CHCHD6: variants seen among roughly 807,000 people sequenced by gnomAD.
CHCHD6 encodes the protein coiled-coil-helix-coiled-coil-helix domain containing 6, also known as MICOS complex subunit MIC25.
CHCHD6 carries 28 observed loss-of-function variants against 32.3 expected under a neutral mutation model. That is an observed-to-expected ratio of 0.87 (90% confidence interval 0.64 to 1.19). The LOEUF is 1.19. Among genes scored for constraint, CHCHD6 ranks in the 50% most tolerant of loss-of-function variants. CHCHD6 has a pLI of 0.00. For missense variants in CHCHD6, 333 were observed against 307.0 expected (o/e 1.08, Z -0.63); for synonymous variants, 122 against 117.5 (o/e 1.04, Z -0.25).
At chr3:126,766,924 C>T (rs1937393607) in intron 4 of CHCHD6, 2 of 1,046,942 alleles carry the variant, frequency 1.9e-6, no homozygotes, top group Non-Finnish European at 3.0e-6. Flanking sequence ...GCCATAGCCA[C>T]TGAAGCCCCA....
intron 1 of CHCHD6, among the ~76,000 whole-genome samples, chr3:126,712,930 C>T (rs554681844): frequency 3.4e-4 from 51 of 152,204 alleles, no homozygotes; most frequent in Non-Finnish European, 5.9e-4. Context: ...TTGTGAGTAG[C>T]TCTACTATCC....
intron 5 of CHCHD6, among the ~76,000 whole-genome samples, chr3:126,872,330 GTT>G (rs1482978014): frequency 6.6e-6 from 1 of 152,152 alleles, no homozygotes; most frequent in Non-Finnish European, 1.5e-5. Flanking sequence ...AAGCACAGGT[GTT>G]TGAGTCTAGC....
At chr3:126,818,972 G>A (rs542742308) in intron 4 of CHCHD6, among the ~76,000 whole-genome samples, 2 of 152,310 alleles carry the variant, frequency 1.3e-5, no homozygotes, top group South Asian at 4.1e-4. Context: ...GAGCAGTGCA[G>A]CAGGTCAGCT....
At position 126,941,865 on chromosome 3, in the gene CHCHD6, G is replaced by A. The variant is rs780254170; in HGVS notation, c.567-15551G>A. ...TCCTTGGTCACCTCACACTGCTGCC[G>A]ATGAGGAAATCAGCACTGACTCAAC... On this transcript the variant is annotated intron_variant, in intron 6 of 7. Transcript: ENST00000290913. Among the ~76,000 whole-genome samples the A allele has an allele frequency of 2.3e-4, 35 of 152,264 alleles. 1 individual carries two copies. The highest frequency in any genetic ancestry group is 7.8e-4 in the Admixed American group (12 of 15,288).
chr3:126,940,502 TGACA>T (rs1247846304), intron 6 of CHCHD6, among the ~76,000 whole-genome samples: 3 of 152,218 alleles, frequency 2.0e-5, no homozygotes, highest in African/African-American at 7.2e-5. Context: ...ATCGGCACTG[TGACA>T]GACAGCCTTA....
At chr3:126,784,098 T>G (rs562692816) in intron 4 of CHCHD6, among the ~76,000 whole-genome samples, 25 of 152,290 alleles carry the variant, frequency 1.6e-4, no homozygotes, top group Non-Finnish European at 2.5e-4. Context: ...GGTAGCTTTC[T>G]GTGAGAGTCA....
chr3:126,805,297 A>C (rs1251089438), intron 4 of CHCHD6, among the ~76,000 whole-genome samples: 3 of 152,204 alleles, frequency 2.0e-5, no homozygotes, highest in Non-Finnish European at 4.4e-5. Context: ...TGTATCTAGA[A>C]AACCCCATCA....
chr3:126,958,156 C>G (rs1226678918), intron 7 of CHCHD6, among the ~76,000 whole-genome samples: 1 of 151,728 alleles, frequency 6.6e-6, no homozygotes, highest in Non-Finnish European at 1.5e-5. Flanking sequence ...TACTGCCTTC[C>G]TCCCCCACCC....
chr3:126,862,371 C>CACCATCACCACCTCCTCCTCCTCT (rs1370837357), intron 5 of CHCHD6, among the ~76,000 whole-genome samples: 1 of 138,640 alleles, frequency 7.2e-6, no homozygotes, highest in Non-Finnish European at 1.6e-5. Context: ...CCTCCTCCAC[C>CACCATCACCACCTCCTCCTCCTCT]ACCATCACCA....
At chr3:126,865,498 T>TCAC (rs1942261016) in intron 5 of CHCHD6, 3 of 917,682 alleles carry the variant, frequency 3.3e-6, no homozygotes, top group Non-Finnish European at 3.9e-6. Context: ...AACTTCGCCT[T>TCAC]CACCACCACC....
intron 6 of CHCHD6, among the ~76,000 whole-genome samples, chr3:126,944,344 T>A (rs2078604247): frequency 6.6e-6 from 1 of 152,228 alleles, no homozygotes; most frequent in Non-Finnish European, 1.5e-5. Context: ...CCCTAGAAGC[T>A]GGAAGAAGGT....
intron 6 of CHCHD6, among the ~76,000 whole-genome samples, chr3:126,931,411 G>C (rs72982808): frequency 1.3e-5 from 2 of 152,268 alleles, no homozygotes; most frequent in South Asian, 2.1e-4. Context: ...CTGCAGAGCC[G>C]ACCCAGCCTC....
chr3:126,854,026 A>G (rs1296605786), intron 5 of CHCHD6, among the ~76,000 whole-genome samples: 1 of 152,144 alleles, frequency 6.6e-6, no homozygotes, highest in African/African-American at 2.4e-5. Context: ...AGGCATGTGT[A>G]CATATCTCTG....
chr3:126,758,366 C>T (rs1477769122), intron 4 of CHCHD6, among the ~76,000 whole-genome samples: 1 of 152,220 alleles, frequency 6.6e-6, no homozygotes, highest in Non-Finnish European at 1.5e-5. Flanking sequence ...AATGGCATTA[C>T]AAATCACAGT....
chr3:126,957,192 A>G, intron 6 of CHCHD6: 1 of 594,112 alleles, frequency 1.7e-6, no homozygotes. Flanking sequence ...AGTGTCTGCT[A>G]TATTGTGAGC....
At chr3:126,809,405 A>G (rs1939561338) in intron 4 of CHCHD6, among the ~76,000 whole-genome samples, 1 of 152,140 alleles carries the variant, frequency 6.6e-6, no homozygotes, top group Non-Finnish European at 1.5e-5. Context: ...CATGCTCAGG[A>G]TGTTGATTTC....
At chr3:126,805,891 A>G (rs1939347542) in intron 4 of CHCHD6, among the ~76,000 whole-genome samples, 1 of 152,246 alleles carries the variant, frequency 6.6e-6, no homozygotes, top group Non-Finnish European at 1.5e-5. Context: ...CCTCAGAAAT[A>G]ATGCCACATA....
At chr3:126,787,525 T>C (rs1938278839) in intron 4 of CHCHD6, among the ~76,000 whole-genome samples, 2 of 152,188 alleles carry the variant, frequency 1.3e-5, no homozygotes, top group Admixed American at 1.3e-4. Context: ...TAGTTCTCCT[T>C]GAAGAGGTCC....
chr3:126,955,364 A>C (rs1408722207), intron 6 of CHCHD6, among the ~76,000 whole-genome samples: 3 of 152,260 alleles, frequency 2.0e-5, no homozygotes, highest in Non-Finnish European at 4.4e-5. Context: ...AAGAACGAGA[A>C]GTCAATGCAG....
Sources: gnomAD v4.1 joint callset for allele counts (sites outside exome capture counted in the v4.1 genomes callset) on GRCh38, gnomAD v4.1.1 for gene constraint, MANE v1.5 for transcripts, NCBI Gene and HGNC (gene_info 2026-07-23, HGNC 2026-07-21) for gene names.